VIPR2: variants seen among roughly 807,000 people sequenced by gnomAD.
VIPR2 encodes vasoactive intestinal peptide receptor 2, also known as vasoactive intestinal polypeptide receptor 2.
VIPR2 carries 48 observed loss-of-function variants against 58.0 expected under a neutral mutation model. That is an observed-to-expected ratio of 0.83 (90% CI 0.66 to 1.05). The LOEUF (loss-of-function observed/expected upper bound fraction) is 1.05, where lower values mean the gene tolerates loss of function less well. Among genes scored for constraint, VIPR2 ranks in the 50% least tolerant of loss-of-function variants. The pLI is 0.00. For synonymous variants in VIPR2, 243 were observed against 235.2 expected (o/e 1.03, Z -0.30); for missense variants, 534 against 558.0 (o/e 0.96, Z 0.43).
chr7:159,082,462 T>A (rs978503984), intron 4 of VIPR2, among the ~76,000 whole-genome samples: 4 of 151,930 alleles, frequency 2.6e-5, no homozygotes, highest in Non-Finnish European at 5.9e-5. Context: ...CCGGGGACTG[T>A]TGTGGGGTGG....
At chr7:159,118,821 C>T (rs1796343377) in intron 2 of VIPR2, among the ~76,000 whole-genome samples, 1 of 152,256 alleles carries the variant, frequency 6.6e-6, no homozygotes, top group Non-Finnish European at 1.5e-5. Context: ...CACAGAGCTG[C>T]TCCTGGATGC....
chr7:159,102,579 G>A (rs1858365334), intron 4 of VIPR2, among the ~76,000 whole-genome samples: 1 of 152,234 alleles, frequency 6.6e-6, no homozygotes, highest in Non-Finnish European at 1.5e-5. Flanking sequence ...AGAAAGAACT[G>A]GCTTAGAGTT....
At chr7:159,117,059 C>T in intron 2 of VIPR2, 1 of 469,100 alleles carries the variant, frequency 2.1e-6, no homozygotes, top group Non-Finnish European at 3.8e-6. Context: ...ATTTTGTCCT[C>T]CCAGCAACTC....
At position 159,029,291 on chromosome 7, in the gene VIPR2, T is replaced by G. The variant is rs1409676409; in HGVS notation, c.*1325A>C. The G allele has an allele frequency of 6.6e-6, 1 of 152,202 alleles. No individual in the cohort carries two copies. The highest frequency in any genetic ancestry group is 1.9e-4 in the East Asian group (1 of 5,148). 9.4% of individuals were successfully genotyped at this position (152,202 alleles called of 1,614,324 possible). ...GCCAGGGCTGGGCAGCTTGCTGAGG[T>G]CCATCGAGCGCTGTGGGGGCCAGGG... On this transcript the variant is annotated 3_prime_UTR_variant, in exon 13 of 13. Coordinates refer to ENST00000262178, the MANE Select transcript of VIPR2 (RefSeq NM_003382.5).
At chr7:159,065,770 CCAGAAAGTACCCTGGTTTTCTGTGG>C (rs1173799037) in intron 4 of VIPR2, among the ~76,000 whole-genome samples, 4 of 152,204 alleles carry the variant, frequency 2.6e-5, no homozygotes, top group Non-Finnish European at 5.9e-5. Flanking sequence ...AACCCTCCGC[CCAGAAAGTACCCTGGTTTTCTGTGG>C]CCCGTGGCCC....
At position 159,095,769 on chromosome 7, in the gene VIPR2, C is replaced by T. The variant is rs1256828157; in HGVS notation, c.357+7988G>A. Among the ~76,000 whole-genome samples the T allele has an allele frequency of 1.3e-5, 2 of 152,114 alleles. No homozygotes were observed. The highest frequency in any genetic ancestry group is 6.6e-5 in the Admixed American group (1 of 15,262). ...ATCACATCGACATGACAGTTGGTGC[C>T]GACCTGACAGGCAGTAGGTGAATCC... On this transcript the variant is annotated intron_variant, in intron 4 of 12. Transcript: ENST00000262178. The surrounding 1 kb of genome is among the most constrained non-coding windows in gnomAD (Gnocchi z 5.2).
At chr7:159,109,238 A>G (rs376166012) in intron 3 of VIPR2, among the ~76,000 whole-genome samples, 1 of 152,330 alleles carries the variant, frequency 6.6e-6, no homozygotes, top group East Asian at 1.9e-4. Flanking sequence ...GGATTCAGCC[A>G]AGAGATATTG....
chr7:159,093,545 A>C lies in VIPR2; in HGVS notation c.357+10212T>G, dbSNP rs1458474921. The stretch of plus-strand genomic sequence containing the variant: ...CAAAAATAACCACTTCCCTGGGCTG[A>C]AAACTCCCCTGGAGTCTGTCAGTGC... On this transcript the variant is annotated intron_variant, in intron 4 of 12. Coordinates refer to ENST00000262178, the MANE Select transcript of VIPR2 (RefSeq NM_003382.5). This position sits in a 1 kb window ranked among gnomAD's most constrained non-coding sequence, Gnocchi z 6.7. Among the ~76,000 whole-genome samples the C allele has an allele frequency of 6.6e-6, 1 of 152,192 alleles. No homozygotes were observed. The highest frequency in any genetic ancestry group is 6.5e-5 in the Admixed American group (1 of 15,290).
intron 12 of VIPR2, 115 bp from the exon 13 acceptor site, chr7:159,030,904 G>A: frequency 7.6e-7 from 1 of 1,314,010 alleles, no homozygotes; most frequent in Non-Finnish European, 1.0e-6. Flanking sequence ...CCGTATCTGT[G>A]TTGCCAGCAG....
chr7:159,142,399 G>C (rs141392673), intron 2 of VIPR2, 47 bp downstream of exon 2: 1 of 1,431,136 alleles, frequency 7.0e-7, no homozygotes, highest in African/African-American at 1.4e-5. Flanking sequence ...GCGCATTCCC[G>C]GGTGAGAATG....
At chr7:159,088,325 C>T (rs548467286) in intron 4 of VIPR2, among the ~76,000 whole-genome samples, 1 of 152,172 alleles carries the variant, frequency 6.6e-6, no homozygotes, top group Non-Finnish European at 1.5e-5. Flanking sequence ...ACCTGTACAC[C>T]ACAATCATGC....
chr7:159,122,480 G>C (rs1796490674), intron 2 of VIPR2, among the ~76,000 whole-genome samples: 1 of 152,218 alleles, frequency 6.6e-6, no homozygotes, highest in African/African-American at 2.4e-5. Context: ...GGAAGAGACT[G>C]AACTGGATAA....
At chr7:159,040,753 A>G (rs915123822) in intron 6 of VIPR2, among the ~76,000 whole-genome samples, 1 of 152,140 alleles carries the variant, frequency 6.6e-6, no homozygotes, top group Non-Finnish European at 1.5e-5. Flanking sequence ...TGTTTCTTAT[A>G]CTGAGGTCTG....
intron 1 of VIPR2, chr7:159,144,255 CTTTA>C (rs747544936): frequency 1.7e-4 from 229 of 1,326,860 alleles, no homozygotes; most frequent in Non-Finnish European, 2.1e-4. Context: ...CAAAAGGAAA[CTTTA>C]TTTAACCGAC....
intron 4 of VIPR2, among the ~76,000 whole-genome samples, chr7:159,085,207 G>A (rs536867099): frequency 1.1e-4 from 16 of 152,306 alleles, no homozygotes; most frequent in South Asian, 6.2e-4. Context: ...TTTACAAAAC[G>A]AATTCATGCA....
intron 4 of VIPR2, among the ~76,000 whole-genome samples, chr7:159,082,476 G>A (rs1268646357): frequency 1.3e-5 from 2 of 152,122 alleles, no homozygotes. Context: ...GGGGTGGTGG[G>A]GTCGTGGGGG....
intron 4 of VIPR2, among the ~76,000 whole-genome samples, chr7:159,083,019 A>G (rs1856991893): frequency 6.6e-6 from 1 of 152,220 alleles, no homozygotes. Context: ...CTTCAAGAAT[A>G]GAGCAGAAGG....
chr7:159,110,400 T>C (rs1795950830), intron 2 of VIPR2, among the ~76,000 whole-genome samples: 1 of 152,256 alleles, frequency 6.6e-6, no homozygotes, highest in Non-Finnish European at 1.5e-5. Flanking sequence ...CATGGAGTTG[T>C]CAAATAATTT....
chr7:159,051,274 A>G lies in VIPR2; in HGVS notation c.455+7207T>C, dbSNP rs557596282. Among the ~76,000 whole-genome samples the G allele has an allele frequency of 3.3e-5, 5 of 152,322 alleles. No homozygotes were observed. The East Asian group carries it at 5.8e-4, about 18-fold the overall frequency. The stretch of plus-strand genomic sequence containing the variant: ...AATACATGACAAAAACACAAAACAC[A>G]TGAGAGGTAAAATGGAGCTAAAATG... On this transcript the variant is annotated intron_variant, in intron 5 of 12. Transcript: ENST00000262178.
Sources: allele counts gnomAD v4.1 joint callset (sites outside exome capture counted in the v4.1 genomes callset), GRCh38; gene constraint gnomAD v4.1.1; non-coding constraint Gnocchi (gnomAD v3.1); transcripts MANE v1.5; gene names NCBI Gene and HGNC (gene_info 2026-07-23, HGNC 2026-07-21).